The following PTPN4 variants were observed in gnomAD, a reference collection of about 807,000 sequenced individuals.
The protein encoded by PTPN4 is protein tyrosine phosphatase non-receptor type 4, also known as tyrosine-protein phosphatase non-receptor type 4.
PTPN4 carries 49 observed loss-of-function variants against 135.5 expected under a neutral mutation model. The ratio of observed to expected loss-of-function variants is 0.36; its 90% CI spans 0.29 to 0.46. The LOEUF (loss-of-function observed/expected upper bound fraction) is 0.46. Among genes scored for constraint, PTPN4 ranks in the 20% least tolerant of loss-of-function variants. The probability of loss-of-function intolerance (pLI) is 1.00; values close to 1 mark genes in which losing one functional copy is unlikely to be tolerated. For synonymous variants in PTPN4, 333 were observed against 369.9 expected (o/e 0.90, Z 1.14); for missense variants, 860 against 1,101.0 (o/e 0.78, Z 3.10).
intron 19 of PTPN4, among the ~76,000 whole-genome samples, chr2:119,954,188 T>TA (rs1240746356): frequency 6.6e-6 from 1 of 152,202 alleles, no homozygotes; most frequent in African/African-American, 2.4e-5. Flanking sequence ...TTTATTTTTC[T>TA]AAAAAAATGT....
intron 2 of PTPN4, among the ~76,000 whole-genome samples, chr2:119,844,754 T>C (rs1014409343): frequency 7.0e-6 from 1 of 142,006 alleles, no homozygotes; most frequent in African/African-American, 2.7e-5. Context: ...GCGGAGACGC[T>C]CCTCACTTTC....
chr2:119,981,850 A>G lies in PTPN4; in HGVS notation c.*4780A>G, dbSNP rs1489330820. 2 of 152,116 alleles carry G rather than the reference A, an allele frequency of 1.3e-5. No individual in the cohort carries two copies. Among genetic ancestry groups the G allele is most frequent in the East Asian group, 3.9e-4 (2 of 5,194 alleles). 9.4% of individuals were successfully genotyped at this position (152,116 alleles called of 1,614,324 possible). A position where few individuals can be genotyped will look rare whatever the true frequency, so the allele number is the denominator to read the frequency against. On this transcript the variant is annotated 3_prime_UTR_variant, in exon 27 of 27. Coordinates refer to ENST00000263708, the MANE Select transcript of PTPN4 (RefSeq NM_002830.4). ...ACACCACATAGTTATTTCTGTTTGC[A>G]TATAAATTTGCTGCTATTTATTTGT...
chr2:119,861,214 C>A (rs566839560), intron 2 of PTPN4, among the ~76,000 whole-genome samples: 4 of 151,976 alleles, frequency 2.6e-5, no homozygotes, highest in Non-Finnish European at 5.9e-5. Flanking sequence ...TTATACCAAC[C>A]CATTTGTGGT....
intron 10 of PTPN4, among the ~76,000 whole-genome samples, chr2:119,901,795 A>AATT (rs1678407933): frequency 6.6e-6 from 1 of 152,224 alleles, no homozygotes; most frequent in South Asian, 2.1e-4. Context: ...TATGAGAAAG[A>AATT]ATTAAACAGG....
chr2:119,912,410 C>T (rs1025024979), intron 10 of PTPN4, among the ~76,000 whole-genome samples: 7 of 152,132 alleles, frequency 4.6e-5, no homozygotes, highest in African/African-American at 1.7e-4. Context: ...AAAGTATATA[C>T]TTTAAATATG....
chr2:119,971,067 T>C (rs1358249347), intron 26 of PTPN4, among the ~76,000 whole-genome samples: 1 of 152,212 alleles, frequency 6.6e-6, no homozygotes, highest in African/African-American at 2.4e-5. Context: ...TTCACACTGC[T>C]ACAAATAAAC....
intron 25 of PTPN4, among the ~76,000 whole-genome samples, chr2:119,966,536 G>T (rs1679448473): frequency 6.6e-6 from 1 of 152,150 alleles, no homozygotes; most frequent in Admixed American, 6.5e-5. Context: ...GGGATTACAG[G>T]TGTGAGCCAC....
intron 2 of PTPN4, among the ~76,000 whole-genome samples, chr2:119,840,606 T>G (rs1677366037): frequency 6.6e-6 from 1 of 152,230 alleles, no homozygotes; most frequent in South Asian, 2.1e-4. Context: ...ATGTACCCAG[T>G]AATGGGATTG....
At chr2:119,887,141 A>G (rs546833402) in intron 9 of PTPN4, among the ~76,000 whole-genome samples, 7 of 152,140 alleles carry the variant, frequency 4.6e-5, no homozygotes, top group Non-Finnish European at 1.0e-4. Flanking sequence ...GTTTTTTATT[A>G]TAATAAAGTT....
chr2:119,845,720 A>G (rs1457449294), intron 2 of PTPN4, among the ~76,000 whole-genome samples: 1 of 151,926 alleles, frequency 6.6e-6, no homozygotes, highest in Non-Finnish European at 1.5e-5. Flanking sequence ...TATTTTATAC[A>G]TTTCTGCACT....
intron 1 of PTPN4, among the ~76,000 whole-genome samples, chr2:119,797,558 G>A (rs1297585528): frequency 6.6e-6 from 1 of 152,138 alleles, no homozygotes; most frequent in African/African-American, 2.4e-5. Flanking sequence ...TCCTTTATCA[G>A]GTCAAGAAGA....
chr2:119,940,548 T>C (rs1359850239), intron 15 of PTPN4, among the ~76,000 whole-genome samples: 2 of 152,126 alleles, frequency 1.3e-5, no homozygotes, highest in Admixed American at 6.6e-5. Context: ...CTCAAACTAC[T>C]GTTCTTGAAT....
chr2:119,888,261 T>A (rs34901869), intron 9 of PTPN4, among the ~76,000 whole-genome samples: 1,560 of 152,304 alleles, frequency 0.01, 30 homozygotes, highest in African/African-American at 0.036. Flanking sequence ...TCTTTAGGTT[T>A]TTTTTAGATA....
At chr2:119,927,591 G>A (rs1215272577) in intron 13 of PTPN4, among the ~76,000 whole-genome samples, 1 of 152,180 alleles carries the variant, frequency 6.6e-6, no homozygotes, top group East Asian at 1.9e-4. Flanking sequence ...ATTGGTAATG[G>A]AATGGAAAAT....
chr2:119,853,328 CTGTT>C (rs1677624806), intron 2 of PTPN4, among the ~76,000 whole-genome samples: 1 of 151,964 alleles, frequency 6.6e-6, no homozygotes. Flanking sequence ...TCCTTATTTT[CTGTT>C]TGTTCTGCTT....
chr2:119,856,830 C>G (rs533576380), intron 2 of PTPN4, among the ~76,000 whole-genome samples: 1 of 152,060 alleles, frequency 6.6e-6, no homozygotes, highest in Non-Finnish European at 1.5e-5. Flanking sequence ...AATATTGTAC[C>G]CTGAGGGTGC....
At chr2:119,831,137 A>G (rs762743589) in intron 2 of PTPN4, among the ~76,000 whole-genome samples, 3 of 152,098 alleles carry the variant, frequency 2.0e-5, no homozygotes, top group Non-Finnish European at 4.4e-5. Context: ...GGAGTTTGCA[A>G]CCTAGATCCC....
At chr2:119,805,994 G>C (rs1241840065) in intron 1 of PTPN4, among the ~76,000 whole-genome samples, 1 of 152,056 alleles carries the variant, frequency 6.6e-6, no homozygotes, top group Non-Finnish European at 1.5e-5. Context: ...CATAAGTGAA[G>C]GAGAAATAAA....
chr2:119,914,007 A>G (rs1422734493), intron 10 of PTPN4, among the ~76,000 whole-genome samples: 1 of 152,144 alleles, frequency 6.6e-6, no homozygotes, highest in Non-Finnish European at 1.5e-5. Context: ...AAGTTATACA[A>G]AATATATATT....
Sources: allele counts gnomAD v4.1 joint callset (sites outside exome capture counted in the v4.1 genomes callset), GRCh38; gene constraint gnomAD v4.1.1; transcripts MANE v1.5; gene names NCBI Gene and HGNC (gene_info 2026-07-23, HGNC 2026-07-21).